Variants in TLN2 observed in about 807,000 individuals in gnomAD.
TLN2 encodes talin 2.
In TLN2, 118 loss-of-function variants were observed where a neutral mutation model predicts 294.7. That is an observed-to-expected ratio of 0.40 (90% CI 0.34 to 0.47). The LOEUF (loss-of-function observed/expected upper bound fraction) is 0.47, where lower values mean the gene tolerates loss of function less well. TLN2 is among the 20% of genes least tolerant of loss of function. The probability of loss-of-function intolerance (pLI) is 0.84; values close to 1 mark genes in which losing one functional copy is unlikely to be tolerated. For synonymous variants in TLN2, 1,431 were observed against 1,304.5 expected (o/e 1.10, Z -2.09); for missense variants, 3,083 against 3,282.2 (o/e 0.94, Z 1.48).
intron 54 of TLN2, among the ~76,000 whole-genome samples, chr15:62,826,317 A>G (rs1200266365): frequency 1.3e-5 from 2 of 152,220 alleles, no homozygotes; most frequent in African/African-American, 2.4e-5. Context: ...CCAAGATACT[A>G]ATCATGCAGG....
chr15:62,607,569 A>G (rs368219156), intron 2 of TLN2, among the ~76,000 whole-genome samples: 1 of 152,310 alleles, frequency 6.6e-6, no homozygotes, highest in South Asian at 2.1e-4. Context: ...AATATAAGGA[A>G]TAATAAACGA....
chr15:62,567,889 T>G (rs1398825906), intron 1 of TLN2, among the ~76,000 whole-genome samples: 1 of 152,046 alleles, frequency 6.6e-6, no homozygotes, highest in Non-Finnish European at 1.5e-5. Flanking sequence ...TGTGTAGGCT[T>G]GTGGCACATC....
At chr15:62,673,322 T>TTTTTTTTTTTTTTTG (rs1555465070) in intron 9 of TLN2, among the ~76,000 whole-genome samples, 2 of 140,126 alleles carry the variant, frequency 1.4e-5, no homozygotes, top group African/African-American at 2.7e-5. Context: ...TTTTTTTTTT[T>TTTTTTTTTTTTTTTG]TTTTTTGCAA....
chr15:62,792,931 G>C (rs990552198), intron 46 of TLN2, 144 bp downstream of exon 46: 12 of 1,344,896 alleles, frequency 8.9e-6, no homozygotes, highest in Non-Finnish European at 1.2e-5. Flanking sequence ...CCACTGCCCA[G>C]GTTCTCCCAA....
chr15:62,735,048 G>A (rs2060933680), intron 28 of TLN2, among the ~76,000 whole-genome samples: 1 of 152,320 alleles, frequency 6.6e-6, no homozygotes, highest in South Asian at 2.1e-4. Context: ...GATCTTATAT[G>A]TTCTAACAGA....
At chr15:62,811,030 C>T (rs1028308484) in intron 52 of TLN2, among the ~76,000 whole-genome samples, 21 of 152,182 alleles carry the variant, frequency 1.4e-4, no homozygotes, top group African/African-American at 5.1e-4. Flanking sequence ...AAAGCTTGTC[C>T]CTTGGTTGAA....
intron 1 of TLN2, among the ~76,000 whole-genome samples, chr15:62,586,974 G>T (rs1232745168): frequency 6.6e-6 from 1 of 152,202 alleles, no homozygotes; most frequent in Non-Finnish European, 1.5e-5. Flanking sequence ...GGATGATTGA[G>T]AAGATAGATG....
At chr15:62,604,469 G>A (rs1038379475) in intron 2 of TLN2, among the ~76,000 whole-genome samples, 1 of 147,442 alleles carries the variant, frequency 6.8e-6, no homozygotes, top group Non-Finnish European at 1.5e-5. Flanking sequence ...ATGGTGCAGT[G>A]AGCCATGATT....
chr15:62,805,619 T>C lies in TLN2; in HGVS notation c.6497T>C (p.Val2166Ala). Residue 2166 changes from valine to alanine, a missense_variant, in exon 51 of 59, where the codon GTA (valine) becomes GCA (alanine). Physicochemically the swap from Val to Ala is moderately conservative, Grantham distance 64 (BLOSUM62 0). Transcript: ENST00000636159. The stretch of plus-strand genomic sequence containing the variant: ...TTCCAGGTGTTCCAGTCAAAAGACG[T>C]ACCTGAAAAGACATCATCACCTGAA... ...QELTVFQSKDVPEKTSSPEES... is the reference protein window; with the variant it reads ...QELTVFQSKDAPEKTSSPEES... The C allele has an allele frequency of 6.2e-7, 1 of 1,608,062 alleles. No individual in the cohort carries two copies. The highest frequency in any genetic ancestry group is 1.7e-4 in the Middle Eastern group (1 of 6,044).
chr15:62,715,734 T>G (rs576053855), intron 22 of TLN2, among the ~76,000 whole-genome samples: 1 of 152,346 alleles, frequency 6.6e-6, no homozygotes, highest in Admixed American at 6.5e-5. Context: ...GGATACCATC[T>G]CGACTTTATA....
At position 62,468,957 on chromosome 15, in the gene TLN2, A is replaced by T. The variant is rs182081429; in HGVS notation, c.-238+78272A>T. 1.5e-3 allele frequency among the ~76,000 whole-genome samples: 233 copies of T among 152,310 alleles called. 1 individual carries two copies. Among genetic ancestry groups the T allele is most frequent in the African/African-American group, 5.4e-3 (223 of 41,574 alleles). On this transcript the variant is annotated intron_variant, in intron 1 of 58. Coordinates refer to ENST00000636159, the MANE Select transcript of TLN2 (RefSeq NM_015059.3). Reference sequence around the variant, plus strand: ...CCTACGAATACAGCAATTGCCCAGAAAACGGCTGCTGTAACCATTTGTCAA... The same window carrying T: ...CCTACGAATACAGCAATTGCCCAGATAACGGCTGCTGTAACCATTTGTCAA...
intron 1 of TLN2, among the ~76,000 whole-genome samples, chr15:62,469,154 C>G (rs2037324471): frequency 6.6e-6 from 1 of 152,330 alleles, no homozygotes; most frequent in African/African-American, 2.4e-5. Context: ...AAAAAAGATT[C>G]CAGAAGCTTC....
intron 35 of TLN2, 36 bp from the exon 36 acceptor site, chr15:62,753,737 G>A (rs1333946864): frequency 5.1e-6 from 8 of 1,570,644 alleles, no homozygotes; most frequent in South Asian, 1.2e-5. Flanking sequence ...CTAGGAGCAC[G>A]GAGCCTGAGC....
intron 41 of TLN2, among the ~76,000 whole-genome samples, chr15:62,766,814 T>C (rs1411317361): frequency 6.6e-6 from 1 of 152,152 alleles, no homozygotes; most frequent in Non-Finnish European, 1.5e-5. Flanking sequence ...TGTTTAAGGG[T>C]ACATTATTCT....
intron 1 of TLN2, among the ~76,000 whole-genome samples, chr15:62,526,824 G>A (rs970991020): frequency 4.6e-5 from 7 of 152,120 alleles, no homozygotes; most frequent in African/African-American, 1.7e-4. Flanking sequence ...GCCAGCCCCT[G>A]TTCTCAGGGT....
chr15:62,822,167 G>A (rs536221566), intron 54 of TLN2, among the ~76,000 whole-genome samples: 1 of 152,188 alleles, frequency 6.6e-6, no homozygotes, highest in South Asian at 2.1e-4. Flanking sequence ...GTGTCTGGTC[G>A]TTCACTTCAC....
chr15:62,582,811 G>A (rs2045255260), intron 1 of TLN2, among the ~76,000 whole-genome samples: 1 of 152,178 alleles, frequency 6.6e-6, no homozygotes, highest in Admixed American at 6.5e-5. Context: ...AAGCTGGCAA[G>A]CAGGTGGGCC....
chr15:62,409,549 T>C (rs1420094467), intron 1 of TLN2, among the ~76,000 whole-genome samples: 1 of 152,238 alleles, frequency 6.6e-6, no homozygotes, highest in Non-Finnish European at 1.5e-5. Context: ...CATTTTAAGA[T>C]AGCCTTTTAA....
chr15:62,625,716 A>G (rs1019585541), intron 3 of TLN2, among the ~76,000 whole-genome samples: 2 of 152,094 alleles, frequency 1.3e-5, no homozygotes, highest in Admixed American at 6.5e-5. Context: ...AAATGGAACC[A>G]CCTGTCTTTT....
Sources: allele counts gnomAD v4.1 joint callset (sites outside exome capture counted in the v4.1 genomes callset), GRCh38; gene constraint gnomAD v4.1.1; transcripts MANE v1.5; gene names NCBI Gene and HGNC (gene_info 2026-07-23, HGNC 2026-07-21).